Variants in RAD51B observed in about 807,000 individuals in gnomAD.
The protein encoded by RAD51B is RAD51 paralog B.
In RAD51B, 38 loss-of-function variants were observed where a neutral mutation model predicts 42.2. The ratio of observed to expected loss-of-function variants is 0.90; its 90% CI spans 0.70 to 1.18. The LOEUF (loss-of-function observed/expected upper bound fraction) is 1.18. Among genes scored for constraint, RAD51B ranks in the 50% most tolerant of loss-of-function variants. The pLI, the probability that RAD51B is intolerant of heterozygous loss-of-function variation, is 0.00. For synonymous variants in RAD51B, 154 were observed against 145.2 expected, an observed-to-expected ratio of 1.06 and a Z score of -0.43; for missense variants, 373 against 400.7, an observed-to-expected ratio of 0.93 and a Z score of 0.59.
At chr14:68,134,079 T>C (rs1489521154) in intron 7 of RAD51B, among the ~76,000 whole-genome samples, 1 of 152,198 alleles carries the variant, frequency 6.6e-6, no homozygotes, top group Admixed American at 6.5e-5. Context: ...ATCAGAAGCC[T>C]CTCGTGCCAC....
At chr14:68,434,983 T>A (rs1399871259) in intron 9 of RAD51B, among the ~76,000 whole-genome samples, 1 of 152,216 alleles carries the variant, frequency 6.6e-6, no homozygotes, top group Admixed American at 6.5e-5. Flanking sequence ...TGAACATGGG[T>A]GTGCTGATAT....
chr14:68,477,850 G>A lies in RAD51B; in HGVS notation c.*186G>A. On this transcript the variant is annotated 3_prime_UTR_variant, in exon 11 of 11. Coordinates refer to ENST00000471583, the MANE Select transcript of RAD51B (RefSeq NM_133510.4). ...CGATTTCAGACCTAGCAGGGAAGGT[G>A]AAGATGAAGAAGCCTTTGTTCAGGT... 3 of 1,429,358 alleles carry A rather than the reference G, an allele frequency of 2.1e-6. No homozygotes were observed. Among genetic ancestry groups the A allele is most frequent in the South Asian group, 3.2e-5 (2 of 62,532 alleles). 88.5% of individuals were successfully genotyped at this position (1,429,358 alleles called of 1,614,324 possible). A position where few individuals can be genotyped will look rare whatever the true frequency, so the allele number is the denominator to read the frequency against.
intron 9 of RAD51B, among the ~76,000 whole-genome samples, chr14:68,434,409 G>A (rs1594832186): frequency 1.3e-5 from 2 of 152,118 alleles, no homozygotes; most frequent in South Asian, 2.1e-4. Context: ...GAGCTTCCCC[G>A]CCACTTTGTT....
intron 7 of RAD51B, among the ~76,000 whole-genome samples, chr14:68,161,205 T>C (rs187567504): frequency 2.6e-5 from 4 of 152,310 alleles, no homozygotes; most frequent in Admixed American, 6.5e-5. Context: ...GCTAACACAA[T>C]TGAAAAATCT....
chr14:67,962,060 G>T (rs2074681071), intron 7 of RAD51B, among the ~76,000 whole-genome samples: 1 of 152,266 alleles, frequency 6.6e-6, no homozygotes, highest in South Asian at 2.1e-4. Flanking sequence ...CTGAGGACAA[G>T]AACACCTCTA....
At chr14:68,358,291 G>A (rs1185417566) in intron 8 of RAD51B, among the ~76,000 whole-genome samples, 7 of 152,194 alleles carry the variant, frequency 4.6e-5, no homozygotes, top group African/African-American at 1.4e-4. Flanking sequence ...TTGTCAACGC[G>A]CTTGCCACAA....
At chr14:68,126,330 T>A (rs917092042) in intron 7 of RAD51B, among the ~76,000 whole-genome samples, 1 of 152,188 alleles carries the variant, frequency 6.6e-6, no homozygotes, top group Admixed American at 6.6e-5. Flanking sequence ...GGGGAGCCAT[T>A]TAGGTTTTGT....
intron 7 of RAD51B, among the ~76,000 whole-genome samples, chr14:67,930,243 T>C (rs2044677894): frequency 6.6e-6 from 1 of 152,180 alleles, no homozygotes; most frequent in African/African-American, 2.4e-5. Context: ...TTGCTGGTTT[T>C]CTATGGTGGT....
chr14:68,091,524 C>A (rs1275468483), intron 7 of RAD51B, among the ~76,000 whole-genome samples: 2 of 152,124 alleles, frequency 1.3e-5, no homozygotes, highest in Non-Finnish European at 2.9e-5. Context: ...CTGTTCATAT[C>A]CTTCACCCAC....
At chr14:68,298,474 T>G (rs922258634) in intron 8 of RAD51B, among the ~76,000 whole-genome samples, 4 of 152,200 alleles carry the variant, frequency 2.6e-5, no homozygotes, top group African/African-American at 9.7e-5. Context: ...CCAGAGAGGT[T>G]TCTTTGGGGA....
intron 9 of RAD51B, among the ~76,000 whole-genome samples, chr14:68,463,918 A>T (rs1310490811): frequency 6.6e-6 from 1 of 152,184 alleles, no homozygotes; most frequent in African/African-American, 2.4e-5. Context: ...ATCTCCATTG[A>T]TATAACCTGA....
At chr14:68,402,269 G>A (rs900535016) in intron 8 of RAD51B, among the ~76,000 whole-genome samples, 3 of 151,956 alleles carry the variant, frequency 2.0e-5, no homozygotes, top group Non-Finnish European at 4.4e-5. Flanking sequence ...CATCCTCTTC[G>A]CCTTTTGTTG....
chr14:68,540,232 A>T, intron 10 of RAD51B: 5 of 1,009,940 alleles, frequency 5.0e-6, no homozygotes, highest in Non-Finnish European at 5.9e-6. Context: ...TGCTCGAGGC[A>T]AACATAGGAT....
At chr14:67,966,231 C>T (rs552090273) in intron 7 of RAD51B, among the ~76,000 whole-genome samples, 2 of 152,298 alleles carry the variant, frequency 1.3e-5, no homozygotes, top group East Asian at 3.9e-4. Context: ...AGCCTTCACA[C>T]TCACATTGGT....
chr14:68,108,541 A>T (rs1470583765), intron 7 of RAD51B, among the ~76,000 whole-genome samples: 1 of 152,002 alleles, frequency 6.6e-6, no homozygotes, highest in African/African-American at 2.4e-5. Context: ...CCTTTTATAC[A>T]AAATGTTCAG....
At chr14:67,958,354 A>G (rs568495656) in intron 7 of RAD51B, among the ~76,000 whole-genome samples, 1 of 152,292 alleles carries the variant, frequency 6.6e-6, no homozygotes, top group Admixed American at 6.5e-5. Context: ...TTTACTTTTG[A>G]GTGCTTAGCC....
chr14:67,912,068 G>A (rs1284256054), intron 7 of RAD51B, among the ~76,000 whole-genome samples: 1 of 152,128 alleles, frequency 6.6e-6, no homozygotes, highest in East Asian at 1.9e-4. Context: ...TACAAAGCCA[G>A]GTGCCACATT....
At chr14:68,283,108 T>G (rs1390868229) in intron 7 of RAD51B, among the ~76,000 whole-genome samples, 1 of 152,220 alleles carries the variant, frequency 6.6e-6, no homozygotes, top group Non-Finnish European at 1.5e-5. Context: ...CAGCCGTCTG[T>G]GAGGGACCGA....
At chr14:68,475,691 TA>T (rs1017577704) in intron 10 of RAD51B, among the ~76,000 whole-genome samples, 229 of 151,224 alleles carry the variant, frequency 1.5e-3, no homozygotes, top group Middle Eastern at 3.4e-3. Flanking sequence ...CCTCCACTTT[TA>T]AAAAAAAAAT....
Sources: gnomAD v4.1 joint callset for allele counts (sites outside exome capture counted in the v4.1 genomes callset) on GRCh38, gnomAD v4.1.1 for gene constraint, MANE v1.5 for transcripts, NCBI Gene and HGNC (gene_info 2026-07-23, HGNC 2026-07-21) for gene names.